Variants in SLCO5A1 observed in about 807,000 individuals in gnomAD.
The protein encoded by SLCO5A1 is solute carrier organic anion transporter family member 5A1.
SLCO5A1 carries 39 observed loss-of-function variants against 65.1 expected under a neutral mutation model. The observed-to-expected ratio is 0.60, with a 90% CI of 0.46 to 0.78. SLCO5A1 has a LOEUF of 0.78. Among genes scored for constraint, SLCO5A1 ranks in the 30% least tolerant of loss-of-function variants. The pLI is 0.00. For missense variants in SLCO5A1, 1,029 were observed against 1,069.4 expected (o/e 0.96, Z 0.53); for synonymous variants, 438 against 415.7 (o/e 1.05, Z -0.65).
chr8:69,720,655 AC>A (rs1334709925), intron 5 of SLCO5A1, among the ~76,000 whole-genome samples: 13 of 152,370 alleles, frequency 8.5e-5, no homozygotes, highest in African/African-American at 3.1e-4. Flanking sequence ...GTATTTACTA[AC>A]ATTTTAAAAT....
intron 2 of SLCO5A1, 63 bp downstream of exon 2, chr8:69,831,704 T>G: frequency 6.7e-7 from 1 of 1,490,722 alleles, no homozygotes; most frequent in South Asian, 1.2e-5. Flanking sequence ...TCCTTTTGAT[T>G]TTTGTAAGGA....
intron 5 of SLCO5A1, among the ~76,000 whole-genome samples, chr8:69,725,124 C>A (rs1373617064): frequency 4.6e-5 from 7 of 152,142 alleles, no homozygotes; most frequent in Non-Finnish European, 1.5e-5. Context: ...ACAGTTATAG[C>A]ATTTCACAGC....
At chr8:69,782,579 CAAAA>C (rs773987113) in intron 2 of SLCO5A1, among the ~76,000 whole-genome samples, 3 of 53,962 alleles carry the variant, frequency 5.6e-5, no homozygotes, top group Admixed American at 2.0e-4. Flanking sequence ...GACCCTGTCT[CAAAA>C]AAAAAAAAAA....
At chr8:69,717,746 C>T (rs1563680844) in intron 5 of SLCO5A1, among the ~76,000 whole-genome samples, 1 of 152,112 alleles carries the variant, frequency 6.6e-6, no homozygotes, top group South Asian at 2.1e-4. Flanking sequence ...AATGTCTTTT[C>T]ATTTATTTAC....
intron 2 of SLCO5A1, among the ~76,000 whole-genome samples, chr8:69,780,297 C>G (rs965468964): frequency 2.0e-5 from 3 of 152,178 alleles, no homozygotes; most frequent in African/African-American, 7.2e-5. Context: ...AATCCCACTA[C>G]TGGGGTATCT....
At chr8:69,732,882 C>T (rs1429757761) in intron 5 of SLCO5A1, among the ~76,000 whole-genome samples, 3 of 151,202 alleles carry the variant, frequency 2.0e-5, no homozygotes, top group Non-Finnish European at 4.4e-5. Context: ...AGCGAGACTC[C>T]GTCTAAAAAA....
intron 8 of SLCO5A1, among the ~76,000 whole-genome samples, chr8:69,677,115 A>G (rs1813582702): frequency 1.3e-5 from 2 of 152,198 alleles, no homozygotes; most frequent in Non-Finnish European, 2.9e-5. Context: ...AATTACTCCA[A>G]TAATTCTTCC....
rs763920839 is a variant in SLCO5A1 at position 69,681,898 on chromosome 8, G to A, written c.1782+286C>T. Among the ~76,000 whole-genome samples the A allele has an allele frequency of 7.6e-4, 116 of 152,150 alleles. 1 individual carries two copies. The highest frequency in any genetic ancestry group is 4.6e-4 in the Admixed American group (7 of 15,292). ...GTCAGAGAAACAAATGGCAGGCCTAGAGCTCAACCTTATCAAGTTTCACTG... is the reference window on the plus strand; with the variant it reads ...GTCAGAGAAACAAATGGCAGGCCTAAAGCTCAACCTTATCAAGTTTCACTG... On this transcript the variant is annotated intron_variant, in intron 7 of 9. Coordinates refer to ENST00000260126, the MANE Select transcript of SLCO5A1 (RefSeq NM_030958.3).
intron 7 of SLCO5A1, among the ~76,000 whole-genome samples, chr8:69,681,497 G>T (rs1470130549): frequency 6.6e-6 from 1 of 152,166 alleles, no homozygotes; most frequent in African/African-American, 2.4e-5. Flanking sequence ...GGAGGCTGAG[G>T]CAGGAGAATC....
At chr8:69,831,370 C>A (rs1255104442) in intron 2 of SLCO5A1, among the ~76,000 whole-genome samples, 9 of 152,034 alleles carry the variant, frequency 5.9e-5, no homozygotes, top group Non-Finnish European at 8.8e-5. Context: ...AAATCAGAAG[C>A]AGCAGCAGAT....
chr8:69,688,332 AT>A (rs55649598), intron 6 of SLCO5A1, among the ~76,000 whole-genome samples: 22,109 of 150,802 alleles, frequency 0.15, 2,064 homozygotes, highest in African/African-American at 0.28. Flanking sequence ...TGGTGCTAAA[AT>A]TTTTTTTTTA....
intron 2 of SLCO5A1, among the ~76,000 whole-genome samples, chr8:69,789,061 A>G (rs1444881648): frequency 6.6e-6 from 1 of 152,234 alleles, no homozygotes; most frequent in Non-Finnish European, 1.5e-5. Context: ...CCACACATAT[A>G]GTCATCTGTT....
rs554021825 is a variant in SLCO5A1 at position 69,757,172 on chromosome 8, G to T, written c.1041-1531C>A. On this transcript the variant is annotated intron_variant, in intron 3 of 9. Coordinates refer to ENST00000260126, the MANE Select transcript of SLCO5A1 (RefSeq NM_030958.3). ...AATAATTTAGTGTGCTATTTTCAAAGATATTTAAAGTTACATCAAATGAAG... is the reference window on the plus strand; with the variant it reads ...AATAATTTAGTGTGCTATTTTCAAATATATTTAAAGTTACATCAAATGAAG... 2.9e-4 allele frequency among the ~76,000 whole-genome samples: 44 copies of T among 152,248 alleles called. No homozygotes were observed. In the Middle Eastern group the frequency reaches 0.01, roughly 35 times the overall value.
chr8:69,715,326 C>T (rs997513514), intron 5 of SLCO5A1, among the ~76,000 whole-genome samples: 1 of 152,204 alleles, frequency 6.6e-6, no homozygotes, highest in African/African-American at 2.4e-5. Flanking sequence ...CCTCAAACGA[C>T]GTTGGTATCA....
At chr8:69,719,160 G>C (rs1280027928) in intron 5 of SLCO5A1, among the ~76,000 whole-genome samples, 2 of 152,164 alleles carry the variant, frequency 1.3e-5, no homozygotes, top group African/African-American at 2.4e-5. Context: ...CTCTGAATAA[G>C]ATAGCTTAAG....
At chr8:69,788,161 A>T (rs1428754656) in intron 2 of SLCO5A1, among the ~76,000 whole-genome samples, 1 of 152,224 alleles carries the variant, frequency 6.6e-6, no homozygotes, top group African/African-American at 2.4e-5. Flanking sequence ...TCACTAGTTC[A>T]GCAACTCAAA....
chr8:69,685,990 C>T (rs1813981130), intron 6 of SLCO5A1, among the ~76,000 whole-genome samples: 1 of 152,162 alleles, frequency 6.6e-6, no homozygotes, highest in Non-Finnish European at 1.5e-5. Context: ...ATCACATTCA[C>T]ACCACAGCAA....
At chr8:69,746,880 C>T (rs568720562) in intron 4 of SLCO5A1, among the ~76,000 whole-genome samples, 1 of 152,316 alleles carries the variant, frequency 6.6e-6, no homozygotes, top group East Asian at 1.9e-4. Flanking sequence ...GCTGCCACTG[C>T]GAGCATACCT....
chr8:69,806,058 A>C lies in SLCO5A1; in HGVS notation c.907+25709T>G, dbSNP rs146103078. Reference sequence around the variant, plus strand: ...TAGAGCCTGACCACAGTACTACTAAATTAGACTCCCCCAACCCCCGCCAGA... The same window carrying C: ...TAGAGCCTGACCACAGTACTACTAACTTAGACTCCCCCAACCCCCGCCAGA... On this transcript the variant is annotated intron_variant, in intron 2 of 9. Coordinates refer to ENST00000260126, the MANE Select transcript of SLCO5A1 (RefSeq NM_030958.3). Among the ~76,000 whole-genome samples, 358 of 152,312 alleles carry C rather than the reference A, an allele frequency of 2.4e-3. 4 individuals are homozygous for C. The highest frequency in any genetic ancestry group is 7.9e-3 in the African/African-American group (328 of 41,564).
Sources: allele counts gnomAD v4.1 joint callset (sites outside exome capture counted in the v4.1 genomes callset), GRCh38; gene constraint gnomAD v4.1.1; transcripts MANE v1.5; gene names NCBI Gene and HGNC (gene_info 2026-07-23, HGNC 2026-07-21).